The following SYCE1 variants were observed in gnomAD, a reference collection of about 807,000 sequenced individuals.
SYCE1 encodes the protein synaptonemal complex central element protein 1.
In SYCE1, 37 loss-of-function variants were observed where a neutral mutation model predicts 55.1. The observed-to-expected ratio is 0.67, with a 90% confidence interval of 0.52 to 0.88. The LOEUF is 0.88. SYCE1 is among the 40% of genes least tolerant of loss of function. The pLI, the probability that SYCE1 is intolerant of heterozygous loss-of-function variation, is 0.00. For missense variants in SYCE1, 399 were observed against 416.4 expected (o/e 0.96, Z 0.36); for synonymous variants, 163 against 159.4 (o/e 1.02, Z -0.17).
chr10:133,559,692 T>C (rs1313019648), intron 2 of SYCE1: 4 of 412,896 alleles, frequency 9.7e-6, no homozygotes, highest in African/African-American at 4.0e-5. Flanking sequence ...CTGCAGCAAT[T>C]TGGGTGGGGT....
chr10:133,559,991 G>A, intron 2 of SYCE1, 100 bp downstream of exon 2: 1 of 950,794 alleles, frequency 1.1e-6, no homozygotes, highest in Non-Finnish European at 1.7e-6. Context: ...AGGTGAAGAG[G>A]ATTATTTCCC....
intron 1 of SYCE1, among the ~76,000 whole-genome samples, chr10:133,562,811 C>T (rs796512049): frequency 5.3e-5 from 8 of 152,304 alleles, no homozygotes; most frequent in African/African-American, 1.9e-4. Context: ...AGTGTGGCCT[C>T]TTCCCAGAGC....
At chr10:133,566,296 C>T (rs1275368777), upstream of SYCE1, among the ~76,000 whole-genome samples, 1 of 152,232 alleles carries the variant, frequency 6.6e-6, no homozygotes, top group African/African-American at 2.4e-5. Flanking sequence ...AAGAACTTTA[C>T]CGTGCAGGTG....
intron 8 of SYCE1, 116 bp from the exon 9 acceptor site, chr10:133,556,163 C>A: frequency 8.4e-7 from 1 of 1,189,876 alleles, no homozygotes; most frequent in Non-Finnish European, 1.2e-6. Context: ...AACAACTCTG[C>A]CCCTCTGTGC....
At chr10:133,554,760 A>G, downstream of SYCE1, 1 of 1,412,240 alleles carries the variant, frequency 7.1e-7, no homozygotes, top group Non-Finnish European at 9.6e-7. Context: ...TCCTGGGCCC[A>G]CTGTGAGAGC....
At position 133,560,154 on chromosome 10, in the gene SYCE1, CT is replaced by C; in HGVS notation, c.74-2del. 6.2e-7 allele frequency: 1 copy of C among 1,613,920 alleles called. No homozygotes were observed. Among genetic ancestry groups the C allele is most frequent in the Non-Finnish European group, 8.5e-7 (1 of 1,179,906 alleles). ...ATTTTCTGTGAGGACGTGTCCTGCCCTGTGGAGACAAAACCAAACATTTCAG... is the reference window on the plus strand; with the variant it reads ...ATTTTCTGTGAGGACGTGTCCTGCCCGTGGAGACAAAACCAAACATTTCAG... On this transcript the variant is annotated splice_acceptor_variant, in intron 1 of 12. Transcript: ENST00000343131. LOFTEE classifies it high-confidence loss of function.
chr10:133,557,773 A>G, intron 6 of SYCE1, 91 bp downstream of exon 6: 1 of 1,417,058 alleles, frequency 7.1e-7, no homozygotes, highest in Non-Finnish European at 9.9e-7. Context: ...AAACAATGAG[A>G]GCTGTGGGTC....
At chr10:133,555,561 T>C in intron 11 of SYCE1, 36 bp downstream of exon 11, 1 of 1,601,956 alleles carries the variant, frequency 6.2e-7, no homozygotes, top group Non-Finnish European at 8.5e-7. Context: ...GTCATCTTCC[T>C]GGTGGGGGTT....
intron 4 of SYCE1, 87 bp from the exon 5 acceptor site, chr10:133,558,301 G>T: frequency 6.7e-7 from 1 of 1,490,326 alleles, no homozygotes; most frequent in South Asian, 1.1e-5. Flanking sequence ...TGGGAAGCTG[G>T]GCACAGCCTT....
chr10:133,555,266 A>C (rs960463907), intron 12 of SYCE1, 85 bp downstream of exon 12: 1 of 1,590,656 alleles, frequency 6.3e-7, no homozygotes, highest in African/African-American at 1.3e-5. Context: ...GAGGAGTCCC[A>C]GGACCCCCTC....
At chr10:133,564,595 A>C (rs902947113) in intron 1 of SYCE1, among the ~76,000 whole-genome samples, 2 of 152,170 alleles carry the variant, frequency 1.3e-5, no homozygotes, top group Non-Finnish European at 2.9e-5. Flanking sequence ...TTCAGTATTC[A>C]AACCTTCATT....
chr10:133,565,005 C>T lies in SYCE1; in HGVS notation c.73+452G>A, dbSNP rs1353967768. Among the ~76,000 whole-genome samples the T allele has an allele frequency of 2.6e-5, 4 of 151,792 alleles. 1 individual carries two copies. Among genetic ancestry groups the T allele is most frequent in the East Asian group, 3.9e-4 (2 of 5,118 alleles). On this transcript the variant is annotated intron_variant, in intron 1 of 12. Transcript: ENST00000343131. Reference sequence around the variant, plus strand: ...GGATCTGCGTGGAGTCGGCCTCCCCCGGCTCCCCGGGGCGTCGGGATGCTG... The same window carrying T: ...GGATCTGCGTGGAGTCGGCCTCCCCTGGCTCCCCGGGGCGTCGGGATGCTG...
intron 3 of SYCE1, 148 bp downstream of exon 3, chr10:133,559,153 A>C (rs1471516558): frequency 8.3e-6 from 8 of 969,220 alleles, no homozygotes; most frequent in East Asian, 2.5e-5. Context: ...TCGCATGCTG[A>C]AATGCCCTGT....
At chr10:133,566,755 TA>T (rs1323137822), upstream of SYCE1, among the ~76,000 whole-genome samples, 1 of 151,026 alleles carries the variant, frequency 6.6e-6, no homozygotes, top group Non-Finnish European at 1.5e-5. Flanking sequence ...GGATTAGGGT[TA>T]GGGGTTACAG....
Position 133,559,342 on chromosome 10 carries a change from C to T in SYCE1, c.155G>A (p.Arg52Gln), listed in dbSNP as rs137922212. ...KLQKVGSLEP[R>Q]VEVLINRINE... is the part of the protein sequence containing the mutation. ...AATCCGGTTAATCAGGACCTCAACT[C>T]GGGGCTCTAGGCTTCCCACTGCACG... The change falls in exon 3 of 13, where the codon CGA becomes CAA. Residue 52 changes from arginine to glutamine, a missense_variant. Arg to Gln is a conservative substitution (Grantham distance 43). Coordinates refer to ENST00000343131, the MANE Select transcript of SYCE1 (RefSeq NM_001143764.3). 2.3e-5 allele frequency: 37 copies of T among 1,614,116 alleles called. No homozygotes were observed. The highest frequency in any genetic ancestry group is 1.6e-4 in the East Asian group (7 of 44,868).
downstream of SYCE1, chr10:133,554,739 G>T: frequency 2.7e-6 from 3 of 1,119,890 alleles, no homozygotes; most frequent in Non-Finnish European, 3.9e-6. Flanking sequence ...TATGCAGGTG[G>T]GTTCCAGACC....
chr10:133,556,312 G>GTT, intron 8 of SYCE1: 1 of 571,298 alleles, frequency 1.8e-6, no homozygotes, highest in Non-Finnish European at 3.1e-6. Context: ...TGCAAGCACT[G>GTT]TGAGTCTTGG....
chr10:133,556,396 C>T (rs1298715766), intron 8 of SYCE1: 4 of 526,586 alleles, frequency 7.6e-6, no homozygotes, highest in Non-Finnish European at 1.4e-5. Flanking sequence ...GGTGTGACCT[C>T]CTCACTGAGC....
chr10:133,557,291 T>G, intron 6 of SYCE1, 135 bp from the exon 7 acceptor site: 2 of 725,822 alleles, frequency 2.8e-6, no homozygotes, highest in Non-Finnish European at 4.8e-6. Flanking sequence ...ATGTGGTAAG[T>G]AGGGAGTGAC....
Sources: allele counts gnomAD v4.1 joint callset (sites outside exome capture counted in the v4.1 genomes callset), GRCh38; gene constraint gnomAD v4.1.1; transcripts MANE v1.5; gene names NCBI Gene and HGNC (gene_info 2026-07-23, HGNC 2026-07-21).